ZNF91: variants seen among roughly 807,000 people sequenced by gnomAD.
ZNF91 encodes zinc finger protein 91 (HPF7, HTF10).
Under a neutral mutation model 12.6 loss-of-function variants are expected in ZNF91, and 7 were observed. The observed-to-expected ratio is 0.55, with a 90% CI of 0.31 to 1.04. The LOEUF (loss-of-function observed/expected upper bound fraction) is 1.04. ZNF91 is among the 50% of genes least tolerant of loss of function. The pLI is 0.05. For synonymous variants in ZNF91, 453 were observed against 462.6 expected, an observed-to-expected ratio of 0.98 and a Z score of 0.27; for missense variants, 1,217 against 1,385.4, an observed-to-expected ratio of 0.88 and a Z score of 1.93.
intron 1 of ZNF91, chr19:23,384,805 T>C: frequency 5.8e-6 from 4 of 684,198 alleles, no homozygotes; most frequent in South Asian, 4.8e-5. Context: ...CACCTCAGAC[T>C]CTGTGTTCAC....
chr19:23,315,547 C>A (rs1258459462), upstream of ZNF91, among the ~76,000 whole-genome samples: 1 of 151,326 alleles, frequency 6.6e-6, no homozygotes, highest in South Asian at 2.1e-4. Flanking sequence ...TATCTTTGGG[C>A]CCATGACCTG....
chr19:23,332,667 G>GA (rs74869996), intron 1 of ZNF91, among the ~76,000 whole-genome samples: 15,774 of 152,126 alleles, frequency 0.1, 1,259 homozygotes, highest in East Asian at 0.37. Flanking sequence ...CTGATTTCCA[G>GA]AAATAAATCA....
chr19:23,330,838 C>CA (rs973567706), intron 1 of ZNF91, among the ~76,000 whole-genome samples: 12 of 152,116 alleles, frequency 7.9e-5, no homozygotes, highest in Admixed American at 6.5e-4. Flanking sequence ...ACAAATAACT[C>CA]AGAGTTTTTG....
chr19:23,324,086 T>G (rs1477824152), intron 1 of ZNF91: 1 of 150,812 alleles, frequency 6.6e-6, no homozygotes, highest in East Asian at 2.0e-4. Context: ...CTCCTCCTCC[T>G]CCTTCTCTTC....
downstream of ZNF91, among the ~76,000 whole-genome samples, chr19:23,333,938 C>T (rs1167646493): frequency 1.3e-5 from 2 of 152,094 alleles, no homozygotes; most frequent in Non-Finnish European, 2.9e-5. Context: ...TTGATGCCCA[C>T]ACCTGGTACC....
At chr19:23,342,404 T>C (rs1968143061) in intron 3 of ZNF91, 2 of 316,098 alleles carry the variant, frequency 6.3e-6, no homozygotes, top group Non-Finnish European at 1.2e-5. Flanking sequence ...ACAGAAACTT[T>C]TGAATATTTA....
Position 23,360,566 on chromosome 19 carries a change from T to C in ZNF91, c.2413A>G (p.Lys805Glu). The change falls in exon 4 of 4, where the codon AAA (lysine) becomes GAA (glutamate). Residue 805 changes from lysine to glutamate, a missense_variant. Lys to Glu is a moderately conservative substitution (Grantham distance 56). Coordinates refer to ENST00000300619, the MANE Select transcript of ZNF91 (RefSeq NM_003430.4). Reference protein sequence around the residue: ...EKPYKCEECGKAFSRSSTLTK... With the variant: ...EKPYKCEECGEAFSRSSTLTK... The stretch of plus-strand genomic sequence containing the variant: ...AGGGTTGAGGAACGGCTAAAAGCTT[T>C]GCCACATTCTTCACATTTGTAGGGC... The C allele has an allele frequency of 6.2e-7, 1 of 1,614,086 alleles. No individual in the cohort carries two copies.
downstream of ZNF91, among the ~76,000 whole-genome samples, chr19:23,336,825 A>G (rs1968017994): frequency 6.6e-6 from 1 of 152,164 alleles, no homozygotes; most frequent in Non-Finnish European, 1.5e-5. Context: ...GCTGGAGTGC[A>G]GTGGCGTGAT....
At chr19:23,383,631 T>G (rs1969786969) in intron 1 of ZNF91, among the ~76,000 whole-genome samples, 1 of 151,786 alleles carries the variant, frequency 6.6e-6, no homozygotes, top group African/African-American at 2.4e-5. Context: ...GAGGCTGCAG[T>G]TGGCCAAGAT....
At chr19:23,353,029 C>T (rs1054836076), downstream of ZNF91, among the ~76,000 whole-genome samples, 2 of 152,322 alleles carry the variant, frequency 1.3e-5, no homozygotes, top group South Asian at 4.1e-4. Flanking sequence ...CAATACTCCA[C>T]TGACAGCACT....
At chr19:23,328,724 G>A (rs1255551094) in intron 1 of ZNF91, 1 of 152,232 alleles carries the variant, frequency 6.6e-6, no homozygotes, top group East Asian at 1.9e-4. Flanking sequence ...GAAAAGCAGT[G>A]ATGGCCTGCA....
At chr19:23,307,409 C>G (rs1967412575) in intron 2 of ZNF91, 1 of 152,090 alleles carries the variant, frequency 6.6e-6, no homozygotes, top group African/African-American at 2.4e-5. Flanking sequence ...ATACCTAAAA[C>G]AGAGAGAGTG....
At chr19:23,376,060 A>AT (rs1381796102) in intron 1 of ZNF91, among the ~76,000 whole-genome samples, 5 of 152,136 alleles carry the variant, frequency 3.3e-5, no homozygotes, top group African/African-American at 1.2e-4. Context: ...TATCCTGATA[A>AT]TTTTTTCCAA....
intron 1 of ZNF91, among the ~76,000 whole-genome samples, chr19:23,317,912 T>C (rs1479141777): frequency 6.6e-6 from 1 of 152,224 alleles, no homozygotes; most frequent in Admixed American, 6.5e-5. Context: ...AGAATTTTAA[T>C]TTTATCCCTA....
chr19:23,319,890 T>C (rs1967649380), intron 1 of ZNF91, among the ~76,000 whole-genome samples: 1 of 152,190 alleles, frequency 6.6e-6, no homozygotes, highest in Admixed American at 6.5e-5. Context: ...ATACTGTCTC[T>C]TATAGCAAGG....
chr19:23,320,612 TG>T (rs1163558103), intron 1 of ZNF91, among the ~76,000 whole-genome samples: 1 of 152,164 alleles, frequency 6.6e-6, no homozygotes, highest in Non-Finnish European at 1.5e-5. Flanking sequence ...AAAAACAGTA[TG>T]GGGGAAACTG....
chr19:23,314,875 T>C (rs1461570972), upstream of ZNF91, among the ~76,000 whole-genome samples: 2 of 152,282 alleles, frequency 1.3e-5, no homozygotes, highest in Admixed American at 6.5e-5. Flanking sequence ...CTTTCTGGGC[T>C]CTGCATATAT....
chr19:23,377,948 C>A (rs1969563058), intron 1 of ZNF91, among the ~76,000 whole-genome samples: 1 of 136,150 alleles, frequency 7.3e-6, no homozygotes, highest in South Asian at 2.3e-4. Flanking sequence ...ATTTCTTCTT[C>A]TGTTTTTGTC....
intron 2 of ZNF91, 122 bp downstream of exon 2, chr19:23,374,516 C>T (rs1432093861): frequency 9.5e-6 from 10 of 1,054,534 alleles, no homozygotes; most frequent in South Asian, 8.4e-5. Flanking sequence ...GCCAAGATCT[C>T]GCCACTGCAC....
Sources: allele counts gnomAD v4.1 joint callset (sites outside exome capture counted in the v4.1 genomes callset), GRCh38; gene constraint gnomAD v4.1.1; transcripts MANE v1.5; gene names NCBI Gene and HGNC (gene_info 2026-07-23, HGNC 2026-07-21).